Variants in TBC1D5 observed in about 807,000 individuals in gnomAD.
The protein encoded by TBC1D5 is TBC1 domain family, member 5.
A neutral mutation model predicts 100.3 loss-of-function variants in TBC1D5; 75 were observed. That is an observed-to-expected ratio of 0.75 (90% CI 0.62 to 0.91). TBC1D5 has a LOEUF of 0.91. Among genes scored for constraint, TBC1D5 ranks in the 40% least tolerant of loss-of-function variants. TBC1D5 has a pLI of 0.00. For synonymous variants in TBC1D5, 323 were observed against 325.6 expected, an observed-to-expected ratio of 0.99 and a Z score of 0.09; for missense variants, 910 against 942.4, an observed-to-expected ratio of 0.97 and a Z score of 0.45.
At chr3:17,273,822 A>G (rs916214035) in intron 15 of TBC1D5, among the ~76,000 whole-genome samples, 2 of 151,662 alleles carry the variant, frequency 1.3e-5, no homozygotes, top group African/African-American at 2.4e-5. Flanking sequence ...AAAAAAAAAA[A>G]AAAAAATTGC....
chr3:17,459,109 A>G (rs538798387), intron 3 of TBC1D5, among the ~76,000 whole-genome samples: 115 of 152,328 alleles, frequency 7.5e-4, no homozygotes, highest in Non-Finnish European at 1.4e-3. Flanking sequence ...TGTAAAAAGC[A>G]CCTTGTGTGT....
At chr3:17,385,303 G>C (rs1346790552) in intron 8 of TBC1D5, among the ~76,000 whole-genome samples, 1 of 152,034 alleles carries the variant, frequency 6.6e-6, no homozygotes, top group Admixed American at 6.6e-5. Context: ...ACTAAAAAAT[G>C]GGAGAAAATG....
intron 3 of TBC1D5, among the ~76,000 whole-genome samples, chr3:17,454,920 C>T (rs963413046): frequency 2.6e-5 from 4 of 151,634 alleles, no homozygotes; most frequent in Non-Finnish European, 5.9e-5. Context: ...ATTGATGAAA[C>T]AAACTGAAGA....
chr3:17,249,881 C>A (rs1320330662), intron 16 of TBC1D5, among the ~76,000 whole-genome samples: 1 of 152,054 alleles, frequency 6.6e-6, no homozygotes, highest in Admixed American at 6.6e-5. Context: ...GTTCATGGTG[C>A]CCCAAAACGA....
chr3:17,710,715 T>G (rs959332716), intron 1 of TBC1D5, among the ~76,000 whole-genome samples: 1 of 152,166 alleles, frequency 6.6e-6, no homozygotes. Flanking sequence ...TTATTTATTT[T>G]GAGACAGAGC....
chr3:17,574,319 C>T (rs1330955615), intron 2 of TBC1D5, among the ~76,000 whole-genome samples: 1 of 151,906 alleles, frequency 6.6e-6, no homozygotes, highest in Admixed American at 6.6e-5. Flanking sequence ...AATCTGTTGC[C>T]CTCTCTGCTT....
At chr3:17,293,928 T>C (rs1048879383) in intron 14 of TBC1D5, among the ~76,000 whole-genome samples, 1 of 152,244 alleles carries the variant, frequency 6.6e-6, no homozygotes, top group South Asian at 2.1e-4. Flanking sequence ...GTTTTACAGA[T>C]GCAATAATTG....
chr3:17,217,220 A>G (rs1043691873), intron 17 of TBC1D5, among the ~76,000 whole-genome samples: 1 of 152,150 alleles, frequency 6.6e-6, no homozygotes, highest in African/African-American at 2.4e-5. Context: ...CATTCCTTTT[A>G]GTTGCCAAAT....
At chr3:17,732,711 C>T (rs928920440) in intron 1 of TBC1D5, among the ~76,000 whole-genome samples, 16 of 47,764 alleles carry the variant, frequency 3.3e-4, no homozygotes, top group East Asian at 1.7e-3. Flanking sequence ...AGCGAGGCTC[C>T]GTCTCAAAAA....
At chr3:17,321,022 T>C (rs545247625) in intron 13 of TBC1D5, among the ~76,000 whole-genome samples, 8 of 152,348 alleles carry the variant, frequency 5.3e-5, no homozygotes, top group Non-Finnish European at 1.2e-4. Context: ...TGTATATGTT[T>C]GAAAAATTAT....
At chr3:17,681,481 T>C (rs965688462) in intron 1 of TBC1D5, among the ~76,000 whole-genome samples, 1 of 151,468 alleles carries the variant, frequency 6.6e-6, no homozygotes, top group Non-Finnish European at 1.5e-5. Context: ...AAAAGAAAAC[T>C]ATAGAAAAAA....
intron 13 of TBC1D5, among the ~76,000 whole-genome samples, chr3:17,317,708 G>A (rs2084871739): frequency 6.6e-6 from 1 of 151,952 alleles, no homozygotes; most frequent in African/African-American, 2.4e-5. Flanking sequence ...ATAATCACAC[G>A]CAATTTCTGA....
intron 2 of TBC1D5, among the ~76,000 whole-genome samples, chr3:17,558,034 C>A (rs955419215): frequency 1.1e-4 from 16 of 152,308 alleles, no homozygotes; most frequent in African/African-American, 3.6e-4. Context: ...CAACCAAGTT[C>A]TTCTCTCTAC....
intron 3 of TBC1D5, among the ~76,000 whole-genome samples, chr3:17,445,115 A>C (rs567097421): frequency 2.8e-4 from 43 of 152,268 alleles, no homozygotes; most frequent in Non-Finnish European, 5.4e-4. Context: ...CCAGCTACAG[A>C]CCATATTTCA....
At chr3:17,306,177 A>G (rs1305089554) in intron 14 of TBC1D5, among the ~76,000 whole-genome samples, 1 of 152,104 alleles carries the variant, frequency 6.6e-6, no homozygotes, top group Admixed American at 6.6e-5. Context: ...TGGCTTGCCA[A>G]CACCTGCACA....
chr3:17,372,319 C>T (rs913172986), intron 12 of TBC1D5, 72 bp from the exon 13 acceptor site: 2 of 1,338,594 alleles, frequency 1.5e-6, no homozygotes, highest in African/African-American at 2.9e-5. Context: ...CATTCTTTAT[C>T]AATGACAGTT....
chr3:17,726,855 A>C (rs1398834884), intron 1 of TBC1D5, among the ~76,000 whole-genome samples: 1 of 152,194 alleles, frequency 6.6e-6, no homozygotes, highest in Non-Finnish European at 1.5e-5. Flanking sequence ...TAATCACTAA[A>C]AGTTTCATTT....
At chr3:17,649,087 T>C (rs1345188519) in intron 1 of TBC1D5, among the ~76,000 whole-genome samples, 1 of 151,994 alleles carries the variant, frequency 6.6e-6, no homozygotes. Context: ...TAAATGCCCA[T>C]CAGTGACAGA....
At chr3:17,161,918 C>G (rs1359368097) in intron 21 of TBC1D5, among the ~76,000 whole-genome samples, 1 of 152,134 alleles carries the variant, frequency 6.6e-6, no homozygotes. Context: ...ATGTGAAAAC[C>G]AAGAACGGCA....
Sources: allele counts gnomAD v4.1 joint callset (sites outside exome capture counted in the v4.1 genomes callset), GRCh38; gene constraint gnomAD v4.1.1; transcripts MANE v1.5; gene names NCBI Gene and HGNC (gene_info 2026-07-23, HGNC 2026-07-21).